ADNP: variants seen among roughly 807,000 people sequenced by gnomAD.
The protein encoded by ADNP is activity-dependent neuroprotector homeobox protein.
ADNP carries 4 observed loss-of-function variants against 84.9 expected under a neutral mutation model. That is an observed-to-expected ratio of 0.05 (90% CI 0.02 to 0.11). The LOEUF is 0.11. Ranked by LOEUF, ADNP falls within the 10% of genes least tolerant of loss-of-function variation. ADNP has a pLI of 1.00. For synonymous variants in ADNP, 554 were observed against 468.1 expected (o/e 1.18, Z -2.37); for missense variants, 1,132 against 1,326.0 (o/e 0.85, Z 2.27).
chr20:50,904,193 ATCCT>A (rs1033600156), intron 3 of ADNP, 192 bp from the exon 4 acceptor site: 5 of 566,392 alleles, frequency 8.8e-6, no homozygotes, highest in Admixed American at 3.1e-5. Flanking sequence ...CCATCCATCC[ATCCT>A]TCCTTCCTTT....
At chr20:50,901,253 AATG>A (rs1194330018) in intron 5 of ADNP, among the ~76,000 whole-genome samples, 1 of 151,082 alleles carries the variant, frequency 6.6e-6, no homozygotes, top group Non-Finnish European at 1.5e-5. Context: ...GAATTAAATA[AATG>A]ATGTGTCCCA....
intron 1 of ADNP, 68 bp from the exon 2 acceptor site, chr20:50,928,893 G>A (rs1429166478): frequency 6.6e-6 from 1 of 152,336 alleles, no homozygotes; most frequent in Non-Finnish European, 1.5e-5. Flanking sequence ...GGTGCTCACA[G>A]AAGACTGGTA....
At chr20:50,920,060 C>T (rs983882257) in intron 2 of ADNP, among the ~76,000 whole-genome samples, 2 of 151,356 alleles carry the variant, frequency 1.3e-5, no homozygotes, top group Non-Finnish European at 2.9e-5. Context: ...GGGCAGATCA[C>T]GAAGTCAGGA....
chr20:50,910,100 G>A (rs1982892438), intron 2 of ADNP, among the ~76,000 whole-genome samples: 1 of 152,142 alleles, frequency 6.6e-6, no homozygotes, highest in Non-Finnish European at 1.5e-5. Flanking sequence ...ATAAATAAGA[G>A]GGAAGATAGG....
chr20:50,897,008 C>T (rs887108638), intron 5 of ADNP, among the ~76,000 whole-genome samples: 3 of 152,226 alleles, frequency 2.0e-5, no homozygotes, highest in African/African-American at 7.2e-5. Context: ...ATGGCACAAT[C>T]TCGGCTCACT....
At chr20:50,918,426 C>A (rs1336803420) in intron 2 of ADNP, among the ~76,000 whole-genome samples, 1 of 152,064 alleles carries the variant, frequency 6.6e-6, no homozygotes, top group Admixed American at 6.6e-5. Flanking sequence ...ATTTTTGACA[C>A]TATAATCATT....
Position 50,931,261 on chromosome 20 carries a change from G to GGC in ADNP, c.-701_-700insGC, listed in dbSNP as rs1984751682. ...AAGATGGCGGCGGCCGGGGGGGGGG[G>GGC]GGCGGGAGTTCAGCTCATGGATCCC... On this transcript the variant is annotated 5_prime_UTR_variant, in exon 1 of 6. Transcript: ENST00000621696. 1 of 106,016 alleles carries GGC rather than the reference G, an allele frequency of 9.4e-6. No individual in the cohort carries two copies. The highest frequency in any genetic ancestry group is 8.5e-5 in the Admixed American group (1 of 11,712). The allele number at this position is 106,016 out of a possible 1,614,324, so 6.6% of individuals were successfully genotyped here. A position where few individuals can be genotyped will look rare whatever the true frequency, so the allele number is the denominator to read the frequency against.
chr20:50,930,701 G>A (rs868636735), intron 1 of ADNP, 125 bp downstream of exon 1: 19 of 152,528 alleles, frequency 1.2e-4, no homozygotes, highest in South Asian at 4.1e-4. Context: ...GCGGCTGGAG[G>A]GCGGCGATGC....
intron 2 of ADNP, among the ~76,000 whole-genome samples, chr20:50,922,031 C>T (rs183938109): frequency 6.6e-6 from 1 of 152,260 alleles, no homozygotes; most frequent in African/African-American, 2.4e-5. Context: ...CTTGCTGTCG[C>T]TGTAAGTGGA....
Position 50,893,329 on chromosome 20 carries a change from C to A in ADNP, c.1385G>T (p.Ser462Ile). The A allele has an allele frequency of 1.2e-6, 2 of 1,614,226 alleles. No individual in the cohort carries two copies. Among genetic ancestry groups the A allele is most frequent in the East Asian group, 2.2e-5 (1 of 44,886 alleles). ...TTTATGTTCTTTTTCGAAGTGCACA[C>A]TATAGACATTTTCAGGAAAAAGCTC... The part of the protein sequence containing the change: ...CNELFPENVY[S>I]VHFEKEHKAE... Residue 462 changes from serine (S) to isoleucine (I), a missense_variant, in exon 6 of 6, where the codon AGT becomes ATT. Ser to Ile is a moderately radical substitution (Grantham distance 142, BLOSUM62 -2). Around this residue, in one of 10 missense-constraint regions of ADNP, gnomAD observed 87 missense variants for 181.4 expected, o/e 0.48. Transcript: ENST00000621696. The surrounding 1 kb of genome is among the most constrained non-coding windows in gnomAD (Gnocchi z 4.4).
chr20:50,921,052 G>A (rs373578155), intron 2 of ADNP, among the ~76,000 whole-genome samples: 2 of 152,180 alleles, frequency 1.3e-5, no homozygotes, highest in African/African-American at 4.8e-5. Context: ...GGCATAAGCA[G>A]AAGGACACTA....
intron 2 of ADNP, among the ~76,000 whole-genome samples, chr20:50,923,927 G>A (rs569385207): frequency 3.3e-5 from 5 of 152,202 alleles, no homozygotes; most frequent in Non-Finnish European, 7.3e-5. Context: ...CAAGGATTCT[G>A]TCAACCTAAA....
At chr20:50,899,307 C>T (rs1171402697) in intron 5 of ADNP, among the ~76,000 whole-genome samples, 1 of 151,906 alleles carries the variant, frequency 6.6e-6, no homozygotes, top group Non-Finnish European at 1.5e-5. Flanking sequence ...AGCGATTCTC[C>T]TGCCTTCCCC....
At chr20:50,907,206 C>T (rs1201635444) in intron 2 of ADNP, among the ~76,000 whole-genome samples, 2 of 151,588 alleles carry the variant, frequency 1.3e-5, no homozygotes, top group Non-Finnish European at 2.9e-5. Context: ...TCGTGATCCG[C>T]CCATCTTGTG....
intron 2 of ADNP, among the ~76,000 whole-genome samples, chr20:50,916,748 G>C (rs1230462839): frequency 6.6e-6 from 1 of 152,128 alleles, no homozygotes. Context: ...GAATTAGCTT[G>C]TTCAGCTGAT....
At chr20:50,915,557 A>G (rs1002937332) in intron 2 of ADNP, among the ~76,000 whole-genome samples, 9 of 152,186 alleles carry the variant, frequency 5.9e-5, no homozygotes, top group African/African-American at 2.2e-4. Context: ...AAGCTTGGGC[A>G]AAAGAGCTTC....
At chr20:50,923,481 G>C (rs1984089534) in intron 2 of ADNP, among the ~76,000 whole-genome samples, 1 of 152,046 alleles carries the variant, frequency 6.6e-6, no homozygotes, top group African/African-American at 2.4e-5. Context: ...ACTTTCCTCA[G>C]AGAAGTTTTA....
intron 5 of ADNP, among the ~76,000 whole-genome samples, chr20:50,900,458 C>T (rs6091236): frequency 0.096 from 14,675 of 152,172 alleles, 807 homozygotes; most frequent in African/African-American, 0.15. Context: ...CGGTATTATA[C>T]GCTGTAAATA....
intron 2 of ADNP, among the ~76,000 whole-genome samples, chr20:50,920,262 CAAAAAAAA>C (rs56181933): frequency 0.025 from 1,608 of 64,586 alleles, 14 homozygotes; most frequent in Middle Eastern, 0.12. Context: ...ATTCCACCTC[CAAAAAAAA>C]AAAAAAAAAA....
Sources: allele counts gnomAD v4.1 joint callset (sites outside exome capture counted in the v4.1 genomes callset), GRCh38; gene constraint gnomAD v4.1.1; regional missense constraint gnomAD v4.1.1; non-coding constraint Gnocchi (gnomAD v3.1); transcripts MANE v1.5; gene names NCBI Gene and HGNC (gene_info 2026-07-23, HGNC 2026-07-21).